The following CCDC201 variants were observed in gnomAD, a reference collection of about 807,000 sequenced individuals.
CCDC201 encodes the protein coiled-coil domain containing 201.
chr7:45,881,448 T>C, the CCDC201 span, among the ~76,000 whole-genome samples: 1 of 152,216 alleles, frequency 6.6e-6, no homozygotes. Context: ...CTAGGCGGCT[T>C]GCCTAGTAAC....
At chr7:45,863,860 C>T (rs1786632450) in intron 2 of CCDC201, among the ~76,000 whole-genome samples, 1 of 152,152 alleles carries the variant, frequency 6.6e-6, no homozygotes, top group African/African-American at 2.4e-5. Flanking sequence ...ACGAGAGTGG[C>T]CTCCAGAGGG....
At chr7:45,864,168 C>T (rs921343686) in intron 2 of CCDC201, among the ~76,000 whole-genome samples, 4 of 152,194 alleles carry the variant, frequency 2.6e-5, no homozygotes, top group Non-Finnish European at 5.9e-5. Context: ...GTGGCGCAGG[C>T]ACTGCCTGTC....
the CCDC201 span, among the ~76,000 whole-genome samples, chr7:45,884,716 G>C: frequency 9.2e-5 from 14 of 152,124 alleles, no homozygotes; most frequent in African/African-American, 3.4e-4. Context: ...GACCAGCCAT[G>C]GCCAGCAGCT....
chr7:45,871,196 G>A (rs1440619448), intron 1 of CCDC201, among the ~76,000 whole-genome samples: 1 of 152,100 alleles, frequency 6.6e-6, no homozygotes, highest in Non-Finnish European at 1.5e-5. Flanking sequence ...TGTGGCAGAA[G>A]GTACATCTCA....
At chr7:45,882,139 T>C in the CCDC201 span, among the ~76,000 whole-genome samples, 1 of 152,176 alleles carries the variant, frequency 6.6e-6, no homozygotes, top group African/African-American at 2.4e-5. Flanking sequence ...AAGTTTGACT[T>C]TGCCCTTGAC....
chr7:45,875,510 C>T (rs570409663), upstream of CCDC201, among the ~76,000 whole-genome samples: 121 of 151,328 alleles, frequency 8.0e-4, no homozygotes, highest in African/African-American at 2.9e-3. Context: ...AAAAGAGACA[C>T]ACAGAAATGG....
At chr7:45,863,663 A>G (rs1214823880) in intron 2 of CCDC201, among the ~76,000 whole-genome samples, 3 of 152,126 alleles carry the variant, frequency 2.0e-5, no homozygotes, top group Non-Finnish European at 4.4e-5. Context: ...TCCTGACACT[A>G]AACACGATGC....
chr7:45,862,679 GA>G (rs1023743441), exon 3 of CCDC201: 1 of 152,212 alleles, frequency 6.6e-6, no homozygotes, highest in African/African-American at 2.4e-5. Context: ...TGAGAAGGCT[GA>G]GTGGCTACGG....
the CCDC201 span, among the ~76,000 whole-genome samples, chr7:45,878,859 A>G: frequency 6.6e-6 from 1 of 152,180 alleles, no homozygotes; most frequent in Non-Finnish European, 1.5e-5. Context: ...TTTCTACTAC[A>G]TGGCTAGGCT....
intron 1 of CCDC201, among the ~76,000 whole-genome samples, chr7:45,871,188 T>A (rs539425137): frequency 6.6e-6 from 1 of 152,344 alleles, no homozygotes; most frequent in African/African-American, 2.4e-5. Flanking sequence ...GGATGTCATG[T>A]GGCAGAAGGT....
upstream of CCDC201, among the ~76,000 whole-genome samples, chr7:45,874,795 C>T (rs1329192403): frequency 6.6e-6 from 1 of 152,218 alleles, no homozygotes; most frequent in East Asian, 1.9e-4. Flanking sequence ...TTCTTCTACC[C>T]TGGGGGTGGG....
intron 2 of CCDC201, among the ~76,000 whole-genome samples, chr7:45,864,530 C>T (rs567274823): frequency 5.0e-4 from 76 of 152,250 alleles, no homozygotes; most frequent in African/African-American, 1.6e-3. Flanking sequence ...AGTTCCCACT[C>T]GGAACTCGGG....
chr7:45,875,068 G>C (rs1786785066), upstream of CCDC201, among the ~76,000 whole-genome samples: 1 of 152,230 alleles, frequency 6.6e-6, no homozygotes, highest in Non-Finnish European at 1.5e-5. Context: ...TTTGCAGCCA[G>C]TATGTGAGTA....
upstream of CCDC201, among the ~76,000 whole-genome samples, chr7:45,877,172 G>A (rs1228883138): frequency 1.3e-5 from 2 of 152,178 alleles, no homozygotes; most frequent in Non-Finnish European, 2.9e-5. Context: ...ACAACTTTTA[G>A]CACCTTCTCT....
chr7:45,868,704 T>A (rs1786706698), intron 1 of CCDC201, among the ~76,000 whole-genome samples: 1 of 152,166 alleles, frequency 6.6e-6, no homozygotes. Flanking sequence ...TGACATGGTT[T>A]TTGCATCCAC....
chr7:45,862,089 A>C (rs1012321720), exon 3 of CCDC201: 1 of 152,278 alleles, frequency 6.6e-6, no homozygotes, highest in Non-Finnish European at 1.5e-5. Context: ...CCCTGATGTT[A>C]AGCAGGGAGC....
the CCDC201 span, among the ~76,000 whole-genome samples, chr7:45,878,249 T>G: frequency 6.6e-6 from 1 of 152,224 alleles, no homozygotes; most frequent in African/African-American, 2.4e-5. Flanking sequence ...CAGTGCAAAC[T>G]GTCAGTGGAT....
chr7:45,881,765 C>T, the CCDC201 span, among the ~76,000 whole-genome samples: 1 of 152,204 alleles, frequency 6.6e-6, no homozygotes, highest in South Asian at 2.1e-4. Flanking sequence ...CCATCGCCAA[C>T]ACTGAGATTC....
chr7:45,880,438 C>T, the CCDC201 span, among the ~76,000 whole-genome samples: 1 of 152,238 alleles, frequency 6.6e-6, no homozygotes, highest in Non-Finnish European at 1.5e-5. Flanking sequence ...GATATGCACA[C>T]CATATGCGGG....
Sources: gnomAD v4.1 joint callset for allele counts (sites outside exome capture counted in the v4.1 genomes callset) on GRCh38, gnomAD v4.1.1 for gene constraint, MANE v1.5 for transcripts, NCBI Gene and HGNC (gene_info 2026-07-23, HGNC 2026-07-21) for gene names.